Variants in GPC3 observed in about 807,000 individuals in gnomAD.
GPC3 encodes glypican-3.
A neutral mutation model predicts 34.4 loss-of-function variants in GPC3; 3 were observed. The ratio of observed to expected loss-of-function variants is 0.09; its 90% CI spans 0.04 to 0.23. GPC3 has a LOEUF of 0.23. GPC3 is among the 10% of genes least tolerant of loss of function. The pLI is 1.00. For missense variants in GPC3, 351 were observed against 445.6 expected (o/e 0.79, Z 1.91); for synonymous variants, 177 against 174.0 (o/e 1.02, Z -0.13).
chrX:133,685,201 C>T (rs1193264243), intron 5 of GPC3, among the ~76,000 whole-genome samples: 3 of 111,344 alleles, frequency 2.7e-5, no homozygotes, highest in African/African-American at 9.8e-5. Context: ...AACTATTCTC[C>T]CTTGCCTTTC....
chrX:133,949,504 G>A (rs1177985870), intron 2 of GPC3, among the ~76,000 whole-genome samples: 1 of 111,632 alleles, frequency 9.0e-6, no homozygotes, highest in Admixed American at 9.5e-5. Context: ...ATGATTTCCT[G>A]CTCGACCACT....
intron 7 of GPC3, among the ~76,000 whole-genome samples, chrX:133,594,055 CACTGCACTCCAGCCTGGGCA>C (rs1320082299): frequency 1.8e-5 from 2 of 111,074 alleles, no homozygotes; most frequent in East Asian, 5.7e-4. Flanking sequence ...GAGACTGCGC[CACTGCACTCCAGCCTGGGCA>C]ACAAGAGCCA....
intron 2 of GPC3, among the ~76,000 whole-genome samples, chrX:133,887,445 T>C (rs2076066520): frequency 8.9e-6 from 1 of 112,435 alleles, no homozygotes; most frequent in African/African-American, 3.2e-5. Context: ...TTTTTTCATA[T>C]ACCTGTTGGC....
chrX:133,883,099 G>T (rs1306806372), intron 2 of GPC3, among the ~76,000 whole-genome samples: 5 of 111,484 alleles, frequency 4.5e-5, no homozygotes, highest in Non-Finnish European at 9.4e-5. Flanking sequence ...GTGTGTGAAT[G>T]CTTATATGTG....
chrX:133,717,125 C>CT (rs1482348081), intron 3 of GPC3, among the ~76,000 whole-genome samples: 1 of 110,288 alleles, frequency 9.1e-6, no homozygotes, highest in Non-Finnish European at 1.9e-5. Flanking sequence ...CCAAGATCGG[C>CT]TAATTTTTGT....
intron 2 of GPC3, among the ~76,000 whole-genome samples, chrX:133,772,180 A>C (rs1292430212): frequency 1.8e-5 from 2 of 112,039 alleles, no homozygotes; most frequent in Non-Finnish European, 3.8e-5. Context: ...CCATCGCTCA[A>C]TGCTTGTTAG....
At chrX:133,577,306 C>T (rs759227575) in intron 7 of GPC3, among the ~76,000 whole-genome samples, 2 of 112,271 alleles carry the variant, frequency 1.8e-5, no homozygotes, top group Non-Finnish European at 3.8e-5. Flanking sequence ...CAAATAAACA[C>T]GGCATGAGAA....
At chrX:133,924,457 C>G (rs1173885962) in intron 2 of GPC3, among the ~76,000 whole-genome samples, 2 of 111,816 alleles carry the variant, frequency 1.8e-5, no homozygotes, top group Non-Finnish European at 3.8e-5. Flanking sequence ...AATTCACCCC[C>G]AATTCTGGAA....
At chrX:133,929,537 ATTTTTACTCTTTCTT>A (rs1206299194) in intron 2 of GPC3, among the ~76,000 whole-genome samples, 1 of 111,606 alleles carries the variant, frequency 9.0e-6, no homozygotes, top group African/African-American at 3.3e-5. Flanking sequence ...CATACAAGAC[ATTTTTACTCTTTCTT>A]TTTGGTGGCA....
intron 6 of GPC3, among the ~76,000 whole-genome samples, chrX:133,599,892 C>T (rs1201622722): frequency 9.0e-6 from 1 of 111,641 alleles, no homozygotes; most frequent in Non-Finnish European, 1.9e-5. Context: ...AGCTGTTCTT[C>T]ATTTGTGTCT....
intron 2 of GPC3, among the ~76,000 whole-genome samples, chrX:133,837,948 G>A (rs5977920): frequency 0.079 from 8,829 of 111,454 alleles, 568 homozygotes; most frequent in African/African-American, 0.21. Context: ...TATAATGCAC[G>A]ACTGGAATTC....
chrX:133,983,346 C>T (rs1163797716), intron 1 of GPC3, among the ~76,000 whole-genome samples: 2 of 112,519 alleles, frequency 1.8e-5, no homozygotes, highest in Non-Finnish European at 3.8e-5. Context: ...TCCCTCTTCT[C>T]TATAAGTGTA....
intron 7 of GPC3, among the ~76,000 whole-genome samples, chrX:133,574,844 G>A (rs1397835223): frequency 1.8e-5 from 2 of 112,106 alleles, no homozygotes; most frequent in African/African-American, 3.2e-5. Flanking sequence ...GTTGGCCAGC[G>A]GAGCACAATG....
intron 2 of GPC3, among the ~76,000 whole-genome samples, chrX:133,856,552 C>T: frequency 9.0e-6 from 1 of 111,285 alleles, no homozygotes; most frequent in Non-Finnish European, 1.9e-5. Context: ...GAATTTTCCA[C>T]ATTCTCTGCT....
chrX:133,984,936 G>T (rs2076559544), intron 1 of GPC3, among the ~76,000 whole-genome samples: 1 of 111,432 alleles, frequency 9.0e-6, no homozygotes, highest in Non-Finnish European at 1.9e-5. Flanking sequence ...CACCAGCTCG[G>T]CTGTGGGGCG....
intron 2 of GPC3, among the ~76,000 whole-genome samples, chrX:133,800,859 T>C (rs972641589): frequency 1.8e-5 from 2 of 111,544 alleles, no homozygotes; most frequent in African/African-American, 3.3e-5. Flanking sequence ...CCAAATCAAA[T>C]TGAGGTCCAC....
intron 6 of GPC3, among the ~76,000 whole-genome samples, chrX:133,625,016 C>A (rs763911968): frequency 8.9e-5 from 10 of 111,842 alleles, no homozygotes; most frequent in African/African-American, 2.6e-4. Context: ...TCAACATATG[C>A]AAATCAATAA....
At chrX:133,730,033 G>A (rs977848490) in intron 3 of GPC3, among the ~76,000 whole-genome samples, 6 of 111,999 alleles carry the variant, frequency 5.4e-5, no homozygotes, top group Admixed American at 2.8e-4. Flanking sequence ...GGTTAAAAGT[G>A]TTCTCTGATT....
intron 2 of GPC3, among the ~76,000 whole-genome samples, chrX:133,898,312 A>G (rs768768558): frequency 1.9e-4 from 21 of 111,998 alleles, no homozygotes; most frequent in African/African-American, 6.8e-4. Flanking sequence ...TATAAGCTAT[A>G]AAACCAGAGT....
Sources: gnomAD v4.1 joint callset for allele counts (sites outside exome capture counted in the v4.1 genomes callset) on GRCh38, gnomAD v4.1.1 for gene constraint, MANE v1.5 for transcripts, NCBI Gene and HGNC (gene_info 2026-07-23, HGNC 2026-07-21) for gene names.